RCAN2: variants seen among roughly 807,000 people sequenced by gnomAD.
RCAN2 encodes the protein calcipressin-2.
RCAN2 carries 9 observed loss-of-function variants against 23.6 expected under a neutral mutation model. The observed-to-expected ratio is 0.38, with a 90% confidence interval of 0.23 to 0.67. RCAN2 has a LOEUF of 0.67. RCAN2 is among the 30% of genes least tolerant of loss of function. The probability of loss-of-function intolerance (pLI) is 0.51; values close to 1 mark genes in which losing one functional copy is unlikely to be tolerated. For synonymous variants in RCAN2, 109 were observed against 115.7 expected (o/e 0.94, Z 0.37); for missense variants, 273 against 302.3 (o/e 0.90, Z 0.72).
intron 2 of RCAN2, among the ~76,000 whole-genome samples, chr6:46,275,311 G>A (rs766753308): frequency 3.9e-5 from 6 of 152,180 alleles, no homozygotes; most frequent in Non-Finnish European, 8.8e-5. Flanking sequence ...TTTTACAGTA[G>A]ATATTATTTT....
chr6:46,390,974 C>T (rs1765915836), intron 2 of RCAN2, among the ~76,000 whole-genome samples: 1 of 151,982 alleles, frequency 6.6e-6, no homozygotes, highest in South Asian at 2.1e-4. Flanking sequence ...CTTGGGGCAG[C>T]CTGGGCAGAC....
rs2799368 is a variant in RCAN2, at chr6:46,246,975, T to C, written c.400-56A>G. 1.8e-3 allele frequency: 2,478 copies of C among 1,382,776 alleles called. 36 individuals carry two copies. The African/African-American group carries it at 0.032, about 18-fold the overall frequency. 85.7% of individuals were successfully genotyped at this position (1,382,776 alleles called of 1,614,324 possible). A position where few individuals can be genotyped will look rare whatever the true frequency, so the allele number is the denominator to read the frequency against. On this transcript the variant is annotated intron_variant, in intron 3 of 4. Coordinates refer to ENST00000371374, the MANE Select transcript of RCAN2 (RefSeq NM_001251974.2). ...ATTCATCATGGCTTCAGATGTGTCA[T>C]GTTGGCACATTAAAACATGGGTTTA...
intron 2 of RCAN2, among the ~76,000 whole-genome samples, chr6:46,439,662 C>A (rs1235742105): frequency 6.6e-6 from 1 of 152,198 alleles, no homozygotes; most frequent in Non-Finnish European, 1.5e-5. Context: ...GACAACCCCA[C>A]TTGAGCTGAA....
At chr6:46,430,779 A>G (rs1012808180) in intron 2 of RCAN2, among the ~76,000 whole-genome samples, 1 of 152,214 alleles carries the variant, frequency 6.6e-6, no homozygotes, top group African/African-American at 2.4e-5. Context: ...TTCCCAGCAC[A>G]TGTGTATCAA....
rs2150299554 is a variant in RCAN2 at position 46,221,218 on chromosome 6, A to G, written c.*1923T>C. ...AAATCATTTTCAAATACTTTCTCTC[A>G]TCTAGATTTCTTTAGAACCTGCATT... On this transcript the variant is annotated 3_prime_UTR_variant, in exon 5 of 5. Coordinates refer to ENST00000371374, the MANE Select transcript of RCAN2 (RefSeq NM_001251974.2). 6.6e-6 allele frequency: 1 copy of G among 152,608 alleles called. No homozygotes were observed. Among genetic ancestry groups the G allele is most frequent in the East Asian group, 1.9e-4 (1 of 5,186 alleles). 9.5% of individuals were successfully genotyped at this position (152,608 alleles called of 1,614,324 possible). A position where few individuals can be genotyped will look rare whatever the true frequency, so the allele number is the denominator to read the frequency against.
chr6:46,339,525 T>C (rs1764239261), intron 2 of RCAN2, among the ~76,000 whole-genome samples: 1 of 151,552 alleles, frequency 6.6e-6, no homozygotes, highest in Admixed American at 6.6e-5. Context: ...CAAAGTGGAG[T>C]TAGGGATCAG....
At chr6:46,371,477 T>G (rs553029491) in intron 2 of RCAN2, among the ~76,000 whole-genome samples, 3 of 152,298 alleles carry the variant, frequency 2.0e-5, no homozygotes, top group African/African-American at 7.2e-5. Flanking sequence ...CCCAACATCA[T>G]GAGCAACTTG....
rs926545944 is a variant in RCAN2 at position 46,332,657 on chromosome 6, T to C, written c.226-83761A>G. ...CATGAACTCATCATTTTTATGGCTGTATAGTATTCCATGGTGTATATGTGC... is the reference window on the plus strand; with the variant it reads ...CATGAACTCATCATTTTTATGGCTGCATAGTATTCCATGGTGTATATGTGC... On this transcript the variant is annotated intron_variant, in intron 2 of 4. Coordinates refer to ENST00000371374, the MANE Select transcript of RCAN2 (RefSeq NM_001251974.2). Among the ~76,000 whole-genome samples, 4 of 152,146 alleles carry C rather than the reference T, an allele frequency of 2.6e-5. 1 individual carries two copies. Among genetic ancestry groups the C allele is most frequent in the African/African-American group, 2.4e-5 (1 of 41,416 alleles).
chr6:46,332,435 A>G (rs1764004216), intron 2 of RCAN2, among the ~76,000 whole-genome samples: 1 of 150,418 alleles, frequency 6.6e-6, no homozygotes, highest in Non-Finnish European at 1.5e-5. Flanking sequence ...CATTAGGTAT[A>G]TCTCCTAAAG....
intron 2 of RCAN2, among the ~76,000 whole-genome samples, chr6:46,320,150 G>C (rs1240150243): frequency 1.3e-5 from 2 of 152,182 alleles, no homozygotes; most frequent in Non-Finnish European, 2.9e-5. Context: ...AAGAGCTTTA[G>C]AGCTCTGCAG....
At chr6:46,480,088 G>C (rs747486099) in intron 1 of RCAN2, among the ~76,000 whole-genome samples, 51 of 152,088 alleles carry the variant, frequency 3.4e-4, no homozygotes, top group Admixed American at 5.2e-4. Context: ...TTATAAAGCG[G>C]GCCCCACAAA....
intron 2 of RCAN2, among the ~76,000 whole-genome samples, chr6:46,410,835 T>A (rs72866410): frequency 2.6e-5 from 4 of 152,348 alleles, no homozygotes; most frequent in Non-Finnish European, 5.9e-5. Context: ...TATTAAGCTA[T>A]CTATCAATTT....
At chr6:46,421,351 G>A (rs142065571) in intron 2 of RCAN2, among the ~76,000 whole-genome samples, 5 of 152,296 alleles carry the variant, frequency 3.3e-5, no homozygotes, top group Admixed American at 6.5e-5. Context: ...AAGAAAGCAC[G>A]CAGATGACTT....
At chr6:46,412,412 A>C (rs1193232371) in intron 2 of RCAN2, among the ~76,000 whole-genome samples, 1 of 152,124 alleles carries the variant, frequency 6.6e-6, no homozygotes, top group Non-Finnish European at 1.5e-5. Flanking sequence ...AGAGGTACAG[A>C]TTGTGGGGGG....
chr6:46,471,033 T>C (rs1232822009), intron 1 of RCAN2, among the ~76,000 whole-genome samples: 2 of 152,230 alleles, frequency 1.3e-5, no homozygotes, highest in African/African-American at 2.4e-5. Flanking sequence ...TGCTATTTTA[T>C]ACACTTTATG....
At chr6:46,490,810 G>A (rs1315405910) in intron 1 of RCAN2, among the ~76,000 whole-genome samples, 1 of 151,974 alleles carries the variant, frequency 6.6e-6, no homozygotes, top group Non-Finnish European at 1.5e-5. Flanking sequence ...GGGGATCACA[G>A]GCGTCATCCT....
At chr6:46,479,450 A>C (rs1367907226) in intron 1 of RCAN2, among the ~76,000 whole-genome samples, 1 of 152,160 alleles carries the variant, frequency 6.6e-6, no homozygotes, top group Non-Finnish European at 1.5e-5. Context: ...CATTTACTTA[A>C]TATTCAGATG....
chr6:46,488,151 A>C (rs890600481), intron 1 of RCAN2, among the ~76,000 whole-genome samples: 1 of 152,238 alleles, frequency 6.6e-6, no homozygotes, highest in African/African-American at 2.4e-5. Flanking sequence ...CCAGGATAAA[A>C]AAGAATTATT....
At chr6:46,471,684 A>C (rs138546722) in intron 1 of RCAN2, among the ~76,000 whole-genome samples, 26 of 152,308 alleles carry the variant, frequency 1.7e-4, no homozygotes, top group African/African-American at 2.6e-4. Flanking sequence ...AATAAAATAG[A>C]TGACACTTAT....
Sources: gnomAD v4.1 joint callset for allele counts (sites outside exome capture counted in the v4.1 genomes callset) on GRCh38, gnomAD v4.1.1 for gene constraint, MANE v1.5 for transcripts, NCBI Gene and HGNC (gene_info 2026-07-23, HGNC 2026-07-21) for gene names.